Variants in TRIM24 observed in about 807,000 individuals in gnomAD.
TRIM24 encodes the protein tripartite motif containing 24.
A neutral mutation model predicts 123.9 loss-of-function variants in TRIM24; 29 were observed. The ratio of observed to expected loss-of-function variants is 0.23; its 90% CI spans 0.17 to 0.32. TRIM24 has a LOEUF of 0.32. TRIM24 is among the 10% of genes least tolerant of loss of function. The probability of loss-of-function intolerance (pLI) is 1.00; values close to 1 mark genes in which losing one functional copy is unlikely to be tolerated. For synonymous variants in TRIM24, 456 were observed against 461.1 expected (o/e 0.99, Z 0.14); for missense variants, 932 against 1,295.3 (o/e 0.72, Z 4.31).
At chr7:138,539,950 G>T (rs1174378900) in intron 7 of TRIM24, among the ~76,000 whole-genome samples, 1 of 151,920 alleles carries the variant, frequency 6.6e-6, no homozygotes, top group African/African-American at 2.4e-5. Context: ...ACAGGCGTCC[G>T]CCACCAGGCC....
At chr7:138,576,515 C>G (rs1584747726) in intron 13 of TRIM24, 70 bp downstream of exon 13, 2 of 1,380,828 alleles carry the variant, frequency 1.4e-6, no homozygotes, top group South Asian at 2.4e-5. Flanking sequence ...CAGTGTTCAA[C>G]ATGTTTTGAT....
chr7:138,555,462 C>A lies in TRIM24; in HGVS notation c.1530+496C>A, dbSNP rs184615942. 2.7e-4 allele frequency among the ~76,000 whole-genome samples: 40 copies of A among 150,050 alleles called. No homozygotes were observed. In the East Asian group the frequency reaches 7.0e-3, roughly 26 times the overall value. On this transcript the variant is annotated intron_variant, in intron 9 of 18. Coordinates refer to ENST00000343526, the MANE Select transcript of TRIM24 (RefSeq NM_015905.3). ...CTGAGCAAATATACTGTCTACCGTT[C>A]TTATTTTTACTATAATCCAATTTTT...
chr7:138,542,972 T>C (rs1797032965), intron 7 of TRIM24, among the ~76,000 whole-genome samples: 1 of 152,224 alleles, frequency 6.6e-6, no homozygotes, highest in African/African-American at 2.4e-5. Flanking sequence ...ATTCTGTTAC[T>C]TACATTTTTT....
At chr7:138,576,833 A>T (rs1043830317) in intron 13 of TRIM24, among the ~76,000 whole-genome samples, 1 of 152,214 alleles carries the variant, frequency 6.6e-6, no homozygotes, top group Non-Finnish European at 1.5e-5. Context: ...ATATACAGTT[A>T]TTGAAATTCT....
chr7:138,549,428 G>A (rs992487139), intron 7 of TRIM24, among the ~76,000 whole-genome samples: 1 of 152,138 alleles, frequency 6.6e-6, no homozygotes, highest in African/African-American at 2.4e-5. Flanking sequence ...TTACTGGGGA[G>A]TTCAAAAACA....
chr7:138,476,507 T>C (rs1039129836), intron 1 of TRIM24, among the ~76,000 whole-genome samples: 1 of 150,234 alleles, frequency 6.7e-6, no homozygotes, highest in Admixed American at 6.7e-5. Context: ...GCAGGAGAAA[T>C]GCTTGAACCT....
At chr7:138,461,675 T>C (rs1370042600) in intron 1 of TRIM24, among the ~76,000 whole-genome samples, 2 of 152,234 alleles carry the variant, frequency 1.3e-5, no homozygotes, top group Non-Finnish European at 2.9e-5. Flanking sequence ...TTGACAGGTG[T>C]TCCATTGCTA....
At chr7:138,461,143 C>T (rs1794959501) in intron 1 of TRIM24, 2 of 697,170 alleles carry the variant, frequency 2.9e-6, no homozygotes, top group African/African-American at 1.8e-5. Context: ...CGCGCCGCCG[C>T]CGCCGCCGCT....
intron 7 of TRIM24, among the ~76,000 whole-genome samples, chr7:138,548,201 G>A (rs1346134037): frequency 6.6e-6 from 1 of 152,160 alleles, no homozygotes; most frequent in Admixed American, 6.5e-5. Context: ...CACAAACCTA[G>A]ATGGTTTACT....
intron 3 of TRIM24, among the ~76,000 whole-genome samples, 176 bp downstream of exon 3, chr7:138,515,535 G>T (rs1007919398): frequency 1.3e-5 from 2 of 152,190 alleles, no homozygotes; most frequent in African/African-American, 4.8e-5. Context: ...AGTACGAATA[G>T]ATGTAGAACC....
At chr7:138,508,688 T>TGCGCGCGC (rs1408895553) in intron 2 of TRIM24, among the ~76,000 whole-genome samples, 3 of 91,584 alleles carry the variant, frequency 3.3e-5, no homozygotes, top group Non-Finnish European at 6.8e-5. Context: ...TGTGTGTGTG[T>TGCGCGCGC]GTGTGCGCGC....
chr7:138,536,959 TCA>T (rs1391276227), intron 6 of TRIM24, among the ~76,000 whole-genome samples: 2 of 152,326 alleles, frequency 1.3e-5, no homozygotes, highest in Middle Eastern at 3.4e-3. Context: ...CAGTTCGATC[TCA>T]GACTGCTGTG....
chr7:138,524,257 C>T (rs957635259), intron 4 of TRIM24, among the ~76,000 whole-genome samples: 3 of 151,996 alleles, frequency 2.0e-5, no homozygotes, highest in Non-Finnish European at 2.9e-5. Flanking sequence ...TTATGGAAAG[C>T]AGAAAACGTA....
intron 1 of TRIM24, among the ~76,000 whole-genome samples, chr7:138,484,151 C>G (rs1795594430): frequency 1.3e-5 from 2 of 151,544 alleles, no homozygotes; most frequent in South Asian, 4.2e-4. Flanking sequence ...CTCTTGTTGC[C>G]CAGGCTGGAG....
chr7:138,482,555 A>G (rs1289183184), intron 1 of TRIM24, among the ~76,000 whole-genome samples: 3 of 152,182 alleles, frequency 2.0e-5, no homozygotes, highest in African/African-American at 7.2e-5. Context: ...TGAAAACCTG[A>G]TCATCATGCT....
At chr7:138,582,217 T>A (rs901391003) in intron 17 of TRIM24, among the ~76,000 whole-genome samples, 1 of 152,226 alleles carries the variant, frequency 6.6e-6, no homozygotes, top group Non-Finnish European at 1.5e-5. Flanking sequence ...GCGCAGGTGC[T>A]ATTGACTTCA....
At chr7:138,539,801 CTTT>C (rs528996607) in intron 7 of TRIM24, among the ~76,000 whole-genome samples, 3 of 129,608 alleles carry the variant, frequency 2.3e-5, no homozygotes, top group Admixed American at 8.1e-5. Flanking sequence ...ATTAAGTAAT[CTTT>C]TTTTTTTTTT....
At chr7:138,539,707 G>A (rs1468180360) in intron 7 of TRIM24, among the ~76,000 whole-genome samples, 2 of 151,380 alleles carry the variant, frequency 1.3e-5, no homozygotes, top group East Asian at 1.9e-4. Flanking sequence ...GTTTTCCAGT[G>A]CATATAAAAG....
At chr7:138,535,512 ATTCTT>A (rs1177545228) in intron 6 of TRIM24, among the ~76,000 whole-genome samples, 1 of 152,062 alleles carries the variant, frequency 6.6e-6, no homozygotes, top group African/African-American at 2.4e-5. Flanking sequence ...TGGGTTGAAA[ATTCTT>A]TTCTTTAAGG....
Sources: allele counts gnomAD v4.1 joint callset (sites outside exome capture counted in the v4.1 genomes callset), GRCh38; gene constraint gnomAD v4.1.1; transcripts MANE v1.5; gene names NCBI Gene and HGNC (gene_info 2026-07-23, HGNC 2026-07-21).